WDR70: variants seen among roughly 807,000 people sequenced by gnomAD.
The protein encoded by WDR70 is WD repeat-containing protein 70.
Under a neutral mutation model 88.6 loss-of-function variants are expected in WDR70, and 53 were observed. That is an observed-to-expected ratio of 0.60 (90% CI 0.48 to 0.75). WDR70 has a LOEUF of 0.75. Among genes scored for constraint, WDR70 ranks in the 30% least tolerant of loss-of-function variants. The pLI, the probability that WDR70 is intolerant of heterozygous loss-of-function variation, is 0.00. For synonymous variants in WDR70, 280 were observed against 270.0 expected (o/e 1.04, Z -0.36); for missense variants, 610 against 823.2 (o/e 0.74, Z 3.17).
In WDR70 at chr5:37,436,304, C is replaced by T. The variant is rs139045113; in HGVS notation, c.493-1618C>T. 1.1e-4 allele frequency among the ~76,000 whole-genome samples: 16 copies of T among 152,224 alleles called. No individual in the cohort carries two copies. In the East Asian group the frequency reaches 2.5e-3, roughly 24 times the overall value. ...TAGGAGTTTGAAACCACTTACTTCACTGTAACCTGTGGGGCAGGTGCTATT... is the reference window on the plus strand; with the variant it reads ...TAGGAGTTTGAAACCACTTACTTCATTGTAACCTGTGGGGCAGGTGCTATT... On this transcript the variant is annotated intron_variant, in intron 5 of 17. Transcript: ENST00000265107.
intron 9 of WDR70, among the ~76,000 whole-genome samples, chr5:37,532,999 C>T (rs1741544612): frequency 1.3e-5 from 2 of 152,188 alleles, no homozygotes; most frequent in Non-Finnish European, 2.9e-5. Flanking sequence ...ATGAGGCTCC[C>T]TGAGAGCCGA....
At chr5:37,486,996 C>T (rs528069785) in intron 8 of WDR70, among the ~76,000 whole-genome samples, 1 of 152,234 alleles carries the variant, frequency 6.6e-6, no homozygotes, top group South Asian at 2.1e-4. Flanking sequence ...GTGTCTGTCT[C>T]TTTTGGTATT....
chr5:37,394,462 G>A (rs1748947760), intron 4 of WDR70, among the ~76,000 whole-genome samples: 1 of 152,132 alleles, frequency 6.6e-6, no homozygotes, highest in Non-Finnish European at 1.5e-5. Context: ...CTGAGATATA[G>A]CAATTAGCAA....
At chr5:37,546,791 C>A (rs555626701) in intron 9 of WDR70, among the ~76,000 whole-genome samples, 1 of 152,142 alleles carries the variant, frequency 6.6e-6, no homozygotes, top group Non-Finnish European at 1.5e-5. Flanking sequence ...TGGTGGCACA[C>A]TCTGTAGTCT....
At position 37,398,278 on chromosome 5, in the gene WDR70, T is replaced by C. The variant is rs1307016237; in HGVS notation, c.492+1708T>C. 3.3e-5 allele frequency among the ~76,000 whole-genome samples: 5 copies of C among 151,998 alleles called. No homozygotes were observed. In the East Asian group the frequency reaches 7.9e-4, roughly 24 times the overall value. Reference sequence around the variant, plus strand: ...TGATTTTTCGTATTTTTAGTAGAGATGAGGTTTCACCGTGTTAGCCAGGAT... The same window carrying C: ...TGATTTTTCGTATTTTTAGTAGAGACGAGGTTTCACCGTGTTAGCCAGGAT... On this transcript the variant is annotated intron_variant, in intron 5 of 17. Transcript: ENST00000265107.
chr5:37,600,906 A>G (rs1399785520), intron 9 of WDR70, among the ~76,000 whole-genome samples: 1 of 152,144 alleles, frequency 6.6e-6, no homozygotes, highest in Non-Finnish European at 1.5e-5. Context: ...CTGCTCTAAC[A>G]CTTTTTTTGT....
At chr5:37,419,465 A>C (rs1165503445) in intron 5 of WDR70, among the ~76,000 whole-genome samples, 1 of 151,090 alleles carries the variant, frequency 6.6e-6, no homozygotes, top group African/African-American at 2.4e-5. Flanking sequence ...CAGCCTCCCA[A>C]AGTGCTGGGA....
rs1747024778 is a variant in WDR70, at chr5:37,697,722, C to T, written c.1160C>T (p.Ser387Phe). The T allele has an allele frequency of 1.2e-6, 2 of 1,613,572 alleles. No homozygotes were observed. The highest frequency in any genetic ancestry group is 2.7e-5 in the African/African-American group (2 of 74,890). Residue 387 changes from serine to phenylalanine, a missense_variant, in exon 11 of 18, where the codon TCC (serine) becomes TTC (phenylalanine). Around this residue, in one of 4 missense-constraint regions of WDR70, gnomAD observed 254 missense variants for 300.7 expected, o/e 0.84. Coordinates refer to ENST00000265107, the MANE Select transcript of WDR70 (RefSeq NM_018034.4). The part of the protein sequence containing the change: ...SGTDTSCVTF[S>F]YDGNVLASRG... ...ACAGACACTTCTTGCGTGACTTTTTCCTATGATGGTAATGTCCTTGCCTCT... is the reference window on the plus strand; with the variant it reads ...ACAGACACTTCTTGCGTGACTTTTTTCTATGATGGTAATGTCCTTGCCTCT...
At chr5:37,733,891 T>G (rs528759092) in intron 17 of WDR70, among the ~76,000 whole-genome samples, 1 of 152,164 alleles carries the variant, frequency 6.6e-6, no homozygotes, top group East Asian at 1.9e-4. Context: ...TTAAGTTTAT[T>G]TTTACTTACT....
At chr5:37,696,587 T>C (rs1746988926) in intron 10 of WDR70, among the ~76,000 whole-genome samples, 1 of 152,176 alleles carries the variant, frequency 6.6e-6, no homozygotes, top group African/African-American at 2.4e-5. Flanking sequence ...CGCTATGGAA[T>C]TACCCTAGGA....
intron 9 of WDR70, among the ~76,000 whole-genome samples, chr5:37,532,346 A>C (rs977905682): frequency 3.3e-5 from 5 of 152,208 alleles, no homozygotes; most frequent in African/African-American, 1.2e-4. Flanking sequence ...TATTCCCTCA[A>C]ATATGTTTTC....
chr5:37,528,079 C>T (rs759876853), intron 9 of WDR70, among the ~76,000 whole-genome samples: 2 of 152,156 alleles, frequency 1.3e-5, no homozygotes, highest in Non-Finnish European at 2.9e-5. Flanking sequence ...GGTGATTCCT[C>T]GAGGATCTAT....
At chr5:37,693,931 GA>G (rs541371667) in intron 10 of WDR70, among the ~76,000 whole-genome samples, 31 of 152,300 alleles carry the variant, frequency 2.0e-4, no homozygotes, top group Admixed American at 1.8e-3. Context: ...TACAAAATGG[GA>G]GAAAATTTTT....
chr5:37,395,031 T>C (rs1031356409), intron 4 of WDR70, among the ~76,000 whole-genome samples: 1 of 152,230 alleles, frequency 6.6e-6, no homozygotes, highest in Non-Finnish European at 1.5e-5. Context: ...GCTAGAAATA[T>C]GTTAGATGCT....
chr5:37,631,389 C>T (rs982903858), intron 10 of WDR70, among the ~76,000 whole-genome samples: 5 of 152,092 alleles, frequency 3.3e-5, no homozygotes, highest in Non-Finnish European at 7.4e-5. Flanking sequence ...ATCTCCTTCT[C>T]GCTGCTATTT....
At chr5:37,512,165 C>T (rs570551877) in intron 8 of WDR70, among the ~76,000 whole-genome samples, 20 of 152,230 alleles carry the variant, frequency 1.3e-4, no homozygotes, top group Non-Finnish European at 2.4e-4. Context: ...CATTCTCTGC[C>T]TCTGTCTTTA....
At chr5:37,733,844 TTTAAG>T (rs1475686728) in intron 17 of WDR70, among the ~76,000 whole-genome samples, 2 of 152,122 alleles carry the variant, frequency 1.3e-5, no homozygotes, top group East Asian at 3.9e-4. Context: ...CAGTAGTACT[TTTAAG>T]TTTTCTTCAC....
At chr5:37,461,803 A>G (rs1739015209) in intron 7 of WDR70, among the ~76,000 whole-genome samples, 1 of 152,114 alleles carries the variant, frequency 6.6e-6, no homozygotes, top group East Asian at 1.9e-4. Flanking sequence ...ATTTTTAGGA[A>G]AGATAGTAGG....
At chr5:37,604,758 T>G (rs1371934963) in intron 9 of WDR70, among the ~76,000 whole-genome samples, 4 of 152,170 alleles carry the variant, frequency 2.6e-5, no homozygotes, top group Non-Finnish European at 4.4e-5. Context: ...AGGGGTAAAG[T>G]CAGAATAATT....
Sources: gnomAD v4.1 joint callset for allele counts (sites outside exome capture counted in the v4.1 genomes callset) on GRCh38, gnomAD v4.1.1 for gene constraint, gnomAD v4.1.1 regional missense constraint, MANE v1.5 for transcripts, NCBI Gene and HGNC (gene_info 2026-07-23, HGNC 2026-07-21) for gene names.